Variants in SHISA6 observed in about 807,000 individuals in gnomAD.
SHISA6 encodes protein shisa-6.
In SHISA6, 22 loss-of-function variants were observed where a neutral mutation model predicts 47.9. That is an observed-to-expected ratio of 0.46 (90% CI 0.33 to 0.66). The LOEUF is 0.66. Ranked by LOEUF, SHISA6 falls within the 30% of genes least tolerant of loss-of-function variation. SHISA6 has a pLI of 0.02. For synonymous variants in SHISA6, 388 were observed against 337.8 expected, an observed-to-expected ratio of 1.15 and a Z score of -1.63; for missense variants, 680 against 764.6, an observed-to-expected ratio of 0.89 and a Z score of 1.30.
intron 2 of SHISA6, among the ~76,000 whole-genome samples, chr17:11,275,068 G>A (rs1377075137): frequency 1.3e-5 from 2 of 152,170 alleles, no homozygotes; most frequent in Middle Eastern, 3.2e-3. Context: ...ACAGACAGGA[G>A]TGATTAAAGA....
At chr17:11,338,810 G>C (rs1911416056) in intron 2 of SHISA6, among the ~76,000 whole-genome samples, 1 of 152,052 alleles carries the variant, frequency 6.6e-6, no homozygotes, top group Admixed American at 6.6e-5. Context: ...TGTTAATCTT[G>C]CTTCCTCACA....
At position 11,459,952 on chromosome 17, in the gene SHISA6, G is replaced by A. The variant is rs138925453; in HGVS notation, c.895+80443G>A. 5.9e-3 allele frequency among the ~76,000 whole-genome samples: 892 copies of A among 152,326 alleles called. 8 individuals are homozygous for A. The highest frequency in any genetic ancestry group is 0.014 in the Middle Eastern group (4 of 294). ...TCATCAAACCCCAGAACCCTGATGCGTTCAAGAGGGACCGTCGACAGCCTC... is the reference window on the plus strand; with the variant it reads ...TCATCAAACCCCAGAACCCTGATGCATTCAAGAGGGACCGTCGACAGCCTC... On this transcript the variant is annotated intron_variant, in intron 3 of 5. Coordinates refer to ENST00000441885, the MANE Select transcript of SHISA6 (RefSeq NM_207386.4).
intron 3 of SHISA6, among the ~76,000 whole-genome samples, chr17:11,385,885 T>C (rs987433921): frequency 2.0e-5 from 3 of 151,740 alleles, no homozygotes; most frequent in African/African-American, 4.8e-5. Flanking sequence ...TCAGCTATTA[T>C]AGACTGTAGA....
chr17:11,410,201 A>G (rs1221932300), intron 3 of SHISA6, among the ~76,000 whole-genome samples: 1 of 152,228 alleles, frequency 6.6e-6, no homozygotes, highest in Non-Finnish European at 1.5e-5. Context: ...GCTAGAAGTA[A>G]TAATCAAGTT....
chr17:11,276,769 C>T lies in SHISA6; in HGVS notation c.799+13243C>T, dbSNP rs114268492. Among the ~76,000 whole-genome samples the T allele has an allele frequency of 3.3e-3, 497 of 152,292 alleles. 4 individuals carry two copies. Among genetic ancestry groups the T allele is most frequent in the African/African-American group, 0.012 (481 of 41,564 alleles). On this transcript the variant is annotated intron_variant, in intron 2 of 5. Transcript: ENST00000441885. ...TCACCACGACCATCATCACCATCATCATCATCATCATTTTTGAACCATGTG... is the reference window on the plus strand; with the variant it reads ...TCACCACGACCATCATCACCATCATTATCATCATCATTTTTGAACCATGTG...
chr17:11,411,686 C>T (rs928478510), intron 3 of SHISA6, among the ~76,000 whole-genome samples: 3 of 152,186 alleles, frequency 2.0e-5, no homozygotes, highest in African/African-American at 4.8e-5. Flanking sequence ...CATGAGCCAC[C>T]GTGCCTGGCC....
chr17:11,420,643 G>A (rs1914427233), intron 3 of SHISA6, among the ~76,000 whole-genome samples: 1 of 152,208 alleles, frequency 6.6e-6, no homozygotes, highest in Non-Finnish European at 1.5e-5. Flanking sequence ...ACACGCCACA[G>A]GAAGGGTGAG....
At chr17:11,260,283 A>T (rs947569103) in intron 1 of SHISA6, among the ~76,000 whole-genome samples, 4 of 152,146 alleles carry the variant, frequency 2.6e-5, no homozygotes, top group African/African-American at 9.7e-5. Flanking sequence ...AGGCAAAAGA[A>T]TTCTTTTGTT....
In SHISA6 at chr17:11,277,270, TCTCTCTCTCTCACACA is replaced by T. The variant is rs1197935789; in HGVS notation, c.799+13746_799+13761del. 8.2e-4 allele frequency among the ~76,000 whole-genome samples: 93 copies of T among 114,040 alleles called. No homozygotes were observed. The East Asian group carries it at 9.6e-3, about 12-fold the overall frequency. 74.8% of individuals were successfully genotyped at this position (114,040 alleles called of 152,430 possible). On this transcript the variant is annotated intron_variant, in intron 2 of 5. Transcript: ENST00000441885. Reference sequence around the variant, plus strand: ...CTCTCTCTCTCTCTCTCTCTCTCTCTCTCTCTCTCTCACACACACACACACACACACACACACACAC... The same window carrying T: ...CTCTCTCTCTCTCTCTCTCTCTCTCTCACACACACACACACACACACACAC...
intron 3 of SHISA6, 43 bp downstream of exon 3, chr17:11,379,552 A>G (rs1206900411): frequency 1.5e-6 from 2 of 1,347,092 alleles, no homozygotes; most frequent in Non-Finnish European, 2.0e-6. Flanking sequence ...GAGGTTGCCT[A>G]GGGAACGCCA....
chr17:11,459,725 T>C (rs1327681803), intron 3 of SHISA6, among the ~76,000 whole-genome samples: 1 of 152,190 alleles, frequency 6.6e-6, no homozygotes, highest in Non-Finnish European at 1.5e-5. Context: ...ACGGAGTCTG[T>C]ATATGAAACA....
intron 2 of SHISA6, among the ~76,000 whole-genome samples, chr17:11,358,387 C>T (rs901053434): frequency 6.6e-6 from 1 of 151,656 alleles, no homozygotes; most frequent in African/African-American, 2.4e-5. Context: ...GAGATGGAGT[C>T]GCTCTCCTGT....
intron 2 of SHISA6, among the ~76,000 whole-genome samples, chr17:11,270,533 T>C (rs1011917316): frequency 6.6e-6 from 1 of 152,136 alleles, no homozygotes; most frequent in African/African-American, 2.4e-5. Context: ...GCAAACGTTT[T>C]CCAGAAAGGG....
rs953592371 is a variant in SHISA6, at chr17:11,241,347, G to T, written c.-76G>T. On this transcript the variant is annotated 5_prime_UTR_variant, in exon 1 of 6. Coordinates refer to ENST00000441885, the MANE Select transcript of SHISA6 (RefSeq NM_207386.4). The surrounding 1 kb of genome is among the most constrained non-coding windows in gnomAD (Gnocchi z 5.5). ...GCGCCTCCAGCCCGGCCCGCGCGGCGGGTCCTCCGAGCCCGGCCCGCCGGG... is the reference window on the plus strand; with the variant it reads ...GCGCCTCCAGCCCGGCCCGCGCGGCTGGTCCTCCGAGCCCGGCCCGCCGGG... 3.3e-6 allele frequency: 3 copies of T among 917,110 alleles called. No individual in the cohort carries two copies. The highest frequency in any genetic ancestry group is 3.6e-5 in the African/African-American group (2 of 55,292). 56.8% of individuals were successfully genotyped at this position (917,110 alleles called of 1,614,324 possible).
chr17:11,535,761 G>A (rs907904262), intron 3 of SHISA6, among the ~76,000 whole-genome samples: 19 of 152,154 alleles, frequency 1.2e-4, no homozygotes, highest in Admixed American at 3.9e-4. Context: ...ACCTCCTTGG[G>A]CAACTCAATG....
chr17:11,372,171 A>G (rs1224631690), intron 2 of SHISA6, among the ~76,000 whole-genome samples: 1 of 152,152 alleles, frequency 6.6e-6, no homozygotes, highest in Non-Finnish European at 1.5e-5. Context: ...TCCATCATGG[A>G]TGTTGGATTC....
At chr17:11,476,481 T>C (rs1916053940) in intron 3 of SHISA6, among the ~76,000 whole-genome samples, 1 of 152,088 alleles carries the variant, frequency 6.6e-6, no homozygotes, top group South Asian at 2.1e-4. Flanking sequence ...GTTGTGTTTT[T>C]ATTTTCACAT....
At chr17:11,265,522 G>T (rs1908393564) in intron 2 of SHISA6, among the ~76,000 whole-genome samples, 1 of 152,124 alleles carries the variant, frequency 6.6e-6, no homozygotes, top group Admixed American at 6.5e-5. Flanking sequence ...TTGCATAGAG[G>T]CACCATTGTA....
chr17:11,466,522 A>C (rs1915814023), intron 3 of SHISA6, among the ~76,000 whole-genome samples: 3 of 152,132 alleles, frequency 2.0e-5, no homozygotes, highest in Non-Finnish European at 4.4e-5. Context: ...CTCAGGGCTT[A>C]CTGTTCAGCC....
Sources: allele counts gnomAD v4.1 joint callset (sites outside exome capture counted in the v4.1 genomes callset), GRCh38; gene constraint gnomAD v4.1.1; non-coding constraint Gnocchi (gnomAD v3.1); transcripts MANE v1.5; gene names NCBI Gene and HGNC (gene_info 2026-07-23, HGNC 2026-07-21).